CACNA2D1: variants seen among roughly 807,000 people sequenced by gnomAD.
The protein encoded by CACNA2D1 is voltage-dependent calcium channel subunit alpha-2/delta-1.
A neutral mutation model predicts 171.5 loss-of-function variants in CACNA2D1; 53 were observed. The observed-to-expected ratio is 0.31, with a 90% CI of 0.25 to 0.39. The LOEUF (loss-of-function observed/expected upper bound fraction) is 0.39. Ranked by LOEUF, CACNA2D1 falls within the 10% of genes least tolerant of loss-of-function variation. CACNA2D1 has a pLI of 1.00. For synonymous variants in CACNA2D1, 442 were observed against 443.1 expected, an observed-to-expected ratio of 1.00 and a Z score of 0.03; for missense variants, 903 against 1,299.8, an observed-to-expected ratio of 0.69 and a Z score of 4.69.
chr7:82,348,655 A>G (rs1446195716), intron 2 of CACNA2D1, among the ~76,000 whole-genome samples: 1 of 152,114 alleles, frequency 6.6e-6, no homozygotes, highest in East Asian at 1.9e-4. Context: ...TTTCCTTAAG[A>G]ATTTCTATTA....
chr7:82,443,583 C>T lies in CACNA2D1; in HGVS notation c.-124G>A. On this transcript the variant is annotated 5_prime_UTR_variant, in exon 1 of 39. Coordinates refer to ENST00000356860, the MANE Select transcript of CACNA2D1 (RefSeq NM_000722.4). Reference sequence around the variant, plus strand: ...CCGCGGGCGTCTGGAGGGCTGGCTGCGCCCGGGGCCCGAGGCGCGGAGCCG... The same window carrying T: ...CCGCGGGCGTCTGGAGGGCTGGCTGTGCCCGGGGCCCGAGGCGCGGAGCCG... The T allele has an allele frequency of 6.9e-7, 1 of 1,447,240 alleles. No homozygotes were observed. The allele number at this position is 1,447,240 out of a possible 1,614,324, so 89.6% of individuals were successfully genotyped here. A position where few individuals can be genotyped will look rare whatever the true frequency, so the allele number is the denominator to read the frequency against.
At chr7:82,068,551 C>T (rs1262855962) in intron 7 of CACNA2D1, among the ~76,000 whole-genome samples, 1 of 152,016 alleles carries the variant, frequency 6.6e-6, no homozygotes, top group African/African-American at 2.4e-5. Context: ...GCCAATCCCT[C>T]ATTACTCCAA....
intron 24 of CACNA2D1, 24 bp from the exon 25 acceptor site, chr7:81,974,576 A>G: frequency 8.2e-7 from 1 of 1,216,584 alleles, no homozygotes; most frequent in Non-Finnish European, 1.2e-6. Flanking sequence ...ATTTTGAGAT[A>G]TTAGATATTA....
At chr7:82,443,326 C>A (rs1830653805) in intron 1 of CACNA2D1, 39 bp downstream of exon 1, 3 of 1,575,306 alleles carry the variant, frequency 1.9e-6, no homozygotes, top group South Asian at 2.3e-5. Context: ...TCCCGCGGCG[C>A]CCCTCGGCCG....
intron 3 of CACNA2D1, among the ~76,000 whole-genome samples, chr7:82,275,961 C>T (rs552858536): frequency 1.3e-5 from 2 of 151,994 alleles, no homozygotes; most frequent in South Asian, 4.2e-4. Context: ...TCACTCTCAC[C>T]ATCTAGTTTA....
intron 1 of CACNA2D1, among the ~76,000 whole-genome samples, chr7:82,362,624 T>G (rs1202566431): frequency 6.6e-6 from 1 of 152,152 alleles, no homozygotes; most frequent in South Asian, 2.1e-4. Flanking sequence ...CTACCCTACA[T>G]GTATTTTCCC....
At chr7:82,216,113 CTCT>C (rs1216555586) in intron 3 of CACNA2D1, among the ~76,000 whole-genome samples, 2 of 152,092 alleles carry the variant, frequency 1.3e-5, no homozygotes, top group African/African-American at 4.8e-5. Flanking sequence ...AAAACCATGG[CTCT>C]TGTTTCTTTA....
chr7:82,182,947 G>A (rs139514819), intron 3 of CACNA2D1, among the ~76,000 whole-genome samples: 4,424 of 151,384 alleles, frequency 0.029, 191 homozygotes, highest in African/African-American at 0.096. Context: ...TGAGGCAGGA[G>A]AATCACGTGA....
At chr7:82,227,398 T>A (rs1250344015) in intron 3 of CACNA2D1, among the ~76,000 whole-genome samples, 1 of 152,142 alleles carries the variant, frequency 6.6e-6, no homozygotes, top group Admixed American at 6.5e-5. Context: ...TGGTAATGAT[T>A]TTGGGCAAGG....
Position 82,396,566 on chromosome 7 carries a change from T to C in CACNA2D1, c.95+46799A>G, listed in dbSNP as rs561619483. 2.6e-5 allele frequency among the ~76,000 whole-genome samples: 4 copies of C among 152,360 alleles called. No homozygotes were observed. The South Asian group carries it at 8.3e-4, about 32-fold the overall frequency. On this transcript the variant is annotated intron_variant, in intron 1 of 38. Transcript: ENST00000356860. ...TGTCTGCCCTAGGGACTCCTTGTACTAGCTACTTCTTTACGTCTAAATAGC... is the reference window on the plus strand; with the variant it reads ...TGTCTGCCCTAGGGACTCCTTGTACCAGCTACTTCTTTACGTCTAAATAGC...
At chr7:82,137,706 C>CAAAAAAAAAAAAAAAAAAAAAAAAA (rs1791808315) in intron 4 of CACNA2D1, among the ~76,000 whole-genome samples, 1 of 34,338 alleles carries the variant, frequency 2.9e-5, no homozygotes, top group African/African-American at 2.2e-4. Context: ...TCCGTCTCTA[C>CAAAAAAAAAAAAAAAAAAAAAAAAA]TAAAAAAAAA....
intron 7 of CACNA2D1, among the ~76,000 whole-genome samples, chr7:82,084,526 T>C (rs928515947): frequency 1.3e-5 from 2 of 152,190 alleles, no homozygotes; most frequent in Non-Finnish European, 2.9e-5. Context: ...TAAGGATACC[T>C]GCTCATGGTC....
intron 3 of CACNA2D1, among the ~76,000 whole-genome samples, chr7:82,175,627 A>G (rs942648293): frequency 5.3e-5 from 8 of 152,084 alleles, no homozygotes; most frequent in Admixed American, 2.6e-4. Context: ...AAAAGCCTAC[A>G]GATACAATCA....
chr7:82,279,219 T>C (rs967348052), intron 3 of CACNA2D1, among the ~76,000 whole-genome samples: 3 of 152,234 alleles, frequency 2.0e-5, no homozygotes, highest in Admixed American at 6.5e-5. Context: ...AATGAATATG[T>C]TCTGCAAAAG....
intron 3 of CACNA2D1, among the ~76,000 whole-genome samples, chr7:82,202,631 C>T (rs1336372786): frequency 6.6e-6 from 1 of 151,032 alleles, no homozygotes; most frequent in Non-Finnish European, 1.5e-5. Flanking sequence ...CACTCAGCCC[C>T]TGAGGGATGC....
chr7:82,231,401 G>A (rs1802914458), intron 3 of CACNA2D1, among the ~76,000 whole-genome samples: 1 of 152,122 alleles, frequency 6.6e-6, no homozygotes, highest in Non-Finnish European at 1.5e-5. Flanking sequence ...GCTTCCAGAG[G>A]CCTCAGAACA....
intron 37 of CACNA2D1, 112 bp downstream of exon 37, chr7:81,959,608 G>A: frequency 8.5e-7 from 1 of 1,180,538 alleles, no homozygotes; most frequent in South Asian, 1.3e-5. Context: ...GCCTTTGCGA[G>A]GTGATCAGAG....
intron 12 of CACNA2D1, among the ~76,000 whole-genome samples, chr7:82,021,756 A>G (rs1801236796): frequency 6.6e-6 from 1 of 152,066 alleles, no homozygotes; most frequent in Non-Finnish European, 1.5e-5. Context: ...CCAGGAAGAA[A>G]GAGGGTGCTG....
Position 82,027,434 on chromosome 7 carries a change from C to T in CACNA2D1, c.1143+5363G>A, listed in dbSNP as rs573273272. On this transcript the variant is annotated intron_variant, in intron 12 of 38. Transcript: ENST00000356860. ...AATACCTACTTGTCAAATTCAGAAA[C>T]GTGTTCCATCTCTCTCTCAATCCCT... Among the ~76,000 whole-genome samples, 7 of 151,790 alleles carry T rather than the reference C, an allele frequency of 4.6e-5. No individual in the cohort carries two copies. In the South Asian group the frequency reaches 1.2e-3, roughly 27 times the overall value.
Sources: allele counts gnomAD v4.1 joint callset (sites outside exome capture counted in the v4.1 genomes callset), GRCh38; gene constraint gnomAD v4.1.1; transcripts MANE v1.5; gene names NCBI Gene and HGNC (gene_info 2026-07-23, HGNC 2026-07-21).